UNC13A: variants seen among roughly 807,000 people sequenced by gnomAD.
The protein encoded by UNC13A is unc-13 homolog A.
A neutral mutation model predicts 219.7 loss-of-function variants in UNC13A; 61 were observed. That is an observed-to-expected ratio of 0.28 (90% CI 0.23 to 0.34). The LOEUF (loss-of-function observed/expected upper bound fraction) is 0.34. Ranked by LOEUF, UNC13A falls within the 10% of genes least tolerant of loss-of-function variation. The probability of loss-of-function intolerance (pLI) is 1.00; values close to 1 mark genes in which losing one functional copy is unlikely to be tolerated. For missense variants in UNC13A, 1,476 were observed against 2,270.3 expected, an observed-to-expected ratio of 0.65 and a Z score of 7.11; for synonymous variants, 920 against 884.6, an observed-to-expected ratio of 1.04 and a Z score of -0.71.
chr19:17,681,012 C>T (rs2080005423), intron 1 of UNC13A, among the ~76,000 whole-genome samples: 1 of 148,088 alleles, frequency 6.8e-6, no homozygotes, highest in East Asian at 2.0e-4. Context: ...CGATCCTCCC[C>T]ACTCAGCCTC....
At chr19:17,686,232 C>CG (rs1444676977) in intron 1 of UNC13A, among the ~76,000 whole-genome samples, 2 of 87,544 alleles carry the variant, frequency 2.3e-5, no homozygotes, top group African/African-American at 1.4e-4. Context: ...CCTCCTGCTG[C>CG]CCCCCCTTAA....
chr19:17,632,636 T>G, intron 28 of UNC13A, 146 bp downstream of exon 28: 4 of 1,201,758 alleles, frequency 3.3e-6, no homozygotes, highest in Non-Finnish European at 4.6e-6. Flanking sequence ...GCTCAATGGC[T>G]GAGAGTGGAG....
chr19:17,621,754 G>C, intron 37 of UNC13A, 78 bp downstream of exon 37: 1 of 1,519,424 alleles, frequency 6.6e-7, no homozygotes, highest in Non-Finnish European at 9.1e-7. Context: ...TCCTGCCCAG[G>C]TGCACAGACG....
Position 17,658,151 on chromosome 19 carries a change from A to T in UNC13A, c.678T>A (p.Tyr226Ter). 1.2e-6 allele frequency: 2 copies of T among 1,613,914 alleles called. No homozygotes were observed. The highest frequency in any genetic ancestry group is 1.7e-6 in the Non-Finnish European group (2 of 1,179,874). ...AGCCCAGGGGTGGTGGGCGAACAGA[A>T]TATTGGTGGACTGAGGCGTTGGGTT... ...TSQPNASVHQ[Y>*]SVRPPPLGSR... is the part of the protein sequence containing the mutation. The change falls in exon 9 of 44, where the codon TAT becomes TAA. Residue 226 changes from tyrosine to a stop codon, truncating the protein, a stop_gained. Transcript: ENST00000519716. LOFTEE classifies it high-confidence loss of function.
intron 42 of UNC13A, 59 bp downstream of exon 42, chr19:17,611,704 G>C: frequency 6.7e-7 from 1 of 1,492,758 alleles, no homozygotes; most frequent in Non-Finnish European, 9.3e-7. Flanking sequence ...GCTTAAGCCA[G>C]TTTGAGTTTG....
chr19:17,610,186 C>T, intron 42 of UNC13A, 87 bp from the exon 43 acceptor site: 1 of 1,574,224 alleles, frequency 6.4e-7, no homozygotes, highest in South Asian at 1.1e-5. Context: ...CTGCCCAAGG[C>T]TGGGCGCAGT....
chr19:17,638,434 C>T (rs899339073), intron 25 of UNC13A, among the ~76,000 whole-genome samples: 1 of 152,060 alleles, frequency 6.6e-6, no homozygotes, highest in African/African-American at 2.4e-5. Context: ...CATCACTGCA[C>T]TCCAGCCTGG....
In UNC13A at chr19:17,641,600, C is replaced by A. The variant is rs371227203; in HGVS notation, c.2473-44G>T. 4.4e-6 allele frequency: 7 copies of A among 1,594,236 alleles called. No individual in the cohort carries two copies. In the African/African-American group the frequency reaches 8.1e-5, roughly 18 times the overall value. The stretch of plus-strand genomic sequence containing the variant: ...AAGTGTCATGGAGAGTGCAAGGGGT[C>A]GCCGGGGGTCAGAGGTCCCAGGGTC... On this transcript the variant is annotated intron_variant, in intron 20 of 43. Coordinates refer to ENST00000519716, the MANE Select transcript of UNC13A (RefSeq NM_001080421.3).
intron 31 of UNC13A, chr19:17,628,307 AAGGCGTG>A: frequency 4.5e-6 from 1 of 221,952 alleles, no homozygotes; most frequent in Non-Finnish European, 8.9e-6. Flanking sequence ...TGACACACTG[AAGGCGTG>A]TGCCCTCACC....
At chr19:17,611,691 G>T in intron 42 of UNC13A, 72 bp downstream of exon 42, 1 of 1,387,132 alleles carries the variant, frequency 7.2e-7, no homozygotes, top group Non-Finnish European at 1.0e-6. Flanking sequence ...AAAAAAGGGT[G>T]TTGCTTAAGC....
intron 10 of UNC13A, among the ~76,000 whole-genome samples, 160 bp downstream of exon 10, chr19:17,655,723 C>G (rs2079437316): frequency 6.6e-6 from 1 of 152,142 alleles, no homozygotes. Flanking sequence ...TCTTTGACCT[C>G]CCTACTCTGC....
intron 38 of UNC13A, among the ~76,000 whole-genome samples, chr19:17,620,313 G>T (rs1486915613): frequency 6.6e-6 from 1 of 152,128 alleles, no homozygotes; most frequent in Non-Finnish European, 1.5e-5. Context: ...TAGTCTACCA[G>T]CTGGCCATCT....
At chr19:17,626,820 G>A in intron 33 of UNC13A, 35 bp from the exon 34 acceptor site, 1 of 1,590,004 alleles carries the variant, frequency 6.3e-7, no homozygotes, top group Non-Finnish European at 8.6e-7. Flanking sequence ...CAGACCACAG[G>A]AAGGGCTGGA....
chr19:17,687,406 A>G (rs962990267), intron 1 of UNC13A, among the ~76,000 whole-genome samples: 8 of 152,142 alleles, frequency 5.3e-5, no homozygotes, highest in Non-Finnish European at 1.0e-4. Context: ...TCCAAGAAGT[A>G]GGCTCCCTGC....
intron 26 of UNC13A, 25 bp from the exon 27 acceptor site, chr19:17,633,218 A>C: frequency 6.2e-7 from 1 of 1,612,158 alleles, no homozygotes; most frequent in South Asian, 1.1e-5. Flanking sequence ...GAAGTATAAA[A>C]CTTTGGCAGG....
rs530605051 is a variant in UNC13A at position 17,621,818 on chromosome 19, G to A, written c.4242+14C>T. Reference sequence around the variant, plus strand: ...CTGGAGCTCAGGGCCTCAGTGAGACGAGGCCCTCATTACCTTTTCTAATCC... The same window carrying A: ...CTGGAGCTCAGGGCCTCAGTGAGACAAGGCCCTCATTACCTTTTCTAATCC... On this transcript the variant is annotated intron_variant, in intron 37 of 43. Transcript: ENST00000519716. 4.3e-6 allele frequency: 7 copies of A among 1,613,808 alleles called. No homozygotes were observed. The highest frequency in any genetic ancestry group is 2.2e-5 in the East Asian group (1 of 44,882).
Position 17,627,895 on chromosome 19 carries a change from C to T in UNC13A, c.3799G>A (p.Glu1267Lys). 1 of 1,605,540 alleles carries T rather than the reference C, an allele frequency of 6.2e-7. No homozygotes were observed. The highest frequency in any genetic ancestry group is 1.1e-5 in the South Asian group (1 of 89,878). ...CCTCCCATGGCTTCGAACATCTTCT[C>T]CAGCTGAACTCGTAGCTGTTGAGTG... ...NNTQQLRVQLEKMFEAMGGKE... is the reference protein window; with the variant it reads ...NNTQQLRVQLKKMFEAMGGKE... Residue 1267 changes from glutamate to lysine, a missense_variant, in exon 32 of 44, where the codon GAG (glutamate) becomes AAG (lysine). Coordinates refer to ENST00000519716, the MANE Select transcript of UNC13A (RefSeq NM_001080421.3). This position sits in a 1 kb window ranked among gnomAD's most constrained non-coding sequence, Gnocchi z 4.7.
intron 4 of UNC13A, among the ~76,000 whole-genome samples, chr19:17,670,012 T>G (rs2145902709): frequency 6.7e-6 from 1 of 149,540 alleles, no homozygotes; most frequent in Admixed American, 6.7e-5. Flanking sequence ...AGTGGCGCGA[T>G]CTCGGCTCAC....
rs1350729334 is a variant in UNC13A, at chr19:17,630,193, C to T, written c.3621G>A (p.Glu1207=). 16 of 1,552,226 alleles carry T rather than the reference C, an allele frequency of 1.0e-5. No homozygotes were observed. The highest frequency in any genetic ancestry group is 1.4e-5 in the Non-Finnish European group (16 of 1,147,236). The change falls in exon 30 of 44, where the codon GAG becomes GAA. Residue 1207 remains glutamate (E), a synonymous_variant. Transcript: ENST00000519716. ...NQSFEIIKKL[E]CPDPQIVGHY... ...GCCCCACGATCTGAGGGTCGGGACA[C>T]TCGAGTTTCTTGATGATTTCAAAGC... is the stretch of plus-strand genomic sequence containing the variant.
Sources: allele counts gnomAD v4.1 joint callset (sites outside exome capture counted in the v4.1 genomes callset), GRCh38; gene constraint gnomAD v4.1.1; non-coding constraint Gnocchi (gnomAD v3.1); transcripts MANE v1.5; gene names NCBI Gene and HGNC (gene_info 2026-07-23, HGNC 2026-07-21).